KHDRBS2: variants seen among roughly 807,000 people sequenced by gnomAD.
KHDRBS2 encodes the protein KH RNA binding domain containing, signal transduction associated 2, also known as KH domain-containing, RNA-binding, signal transduction-associated protein 2.
KHDRBS2 carries 26 observed loss-of-function variants against 44.3 expected under a neutral mutation model. That is an observed-to-expected ratio of 0.59 (90% CI 0.43 to 0.81). KHDRBS2 has a LOEUF of 0.81. KHDRBS2 is among the 40% of genes least tolerant of loss of function. The pLI, the probability that KHDRBS2 is intolerant of heterozygous loss-of-function variation, is 0.00. For synonymous variants in KHDRBS2, 194 were observed against 151.1 expected, an observed-to-expected ratio of 1.28 and a Z score of -2.08; for missense variants, 476 against 433.1, an observed-to-expected ratio of 1.10 and a Z score of -0.88.
chr6:61,760,548 C>T (rs946948639), intron 6 of KHDRBS2, among the ~76,000 whole-genome samples: 2 of 151,712 alleles, frequency 1.3e-5, no homozygotes, highest in African/African-American at 4.8e-5. Context: ...GGAGGATCAC[C>T]CAAACCTAGG....
At chr6:61,775,382 C>T (rs529696122) in intron 6 of KHDRBS2, among the ~76,000 whole-genome samples, 2 of 152,166 alleles carry the variant, frequency 1.3e-5, no homozygotes, top group African/African-American at 2.4e-5. Context: ...GATTGTACAT[C>T]TAGAAAACCC....
chr6:62,041,469 T>G (rs1328075470), intron 3 of KHDRBS2, among the ~76,000 whole-genome samples: 2 of 152,154 alleles, frequency 1.3e-5, no homozygotes, highest in Non-Finnish European at 2.9e-5. Context: ...AATTTCTATT[T>G]TCATACATTC....
intron 6 of KHDRBS2, chr6:61,816,841 T>A: frequency 2.5e-6 from 1 of 399,870 alleles, no homozygotes; most frequent in Non-Finnish European, 5.0e-6. Context: ...GTGAAAAATA[T>A]TCCTCTTAAA....
At chr6:62,125,963 G>A (rs562423921) in intron 2 of KHDRBS2, among the ~76,000 whole-genome samples, 160 of 152,242 alleles carry the variant, frequency 1.1e-3, no homozygotes, top group Middle Eastern at 3.4e-3. Flanking sequence ...GTAAAGGAGC[G>A]GGAAGAGTAA....
At chr6:61,557,884 C>T in the KHDRBS2 span, among the ~76,000 whole-genome samples, 5 of 152,148 alleles carry the variant, frequency 3.3e-5, no homozygotes, top group Admixed American at 1.3e-4. Flanking sequence ...ACATGTGTCT[C>T]GGAATTTTTC....
chr6:62,283,705 C>T (rs1842102191), intron 1 of KHDRBS2, among the ~76,000 whole-genome samples: 1 of 151,964 alleles, frequency 6.6e-6, no homozygotes, highest in East Asian at 1.9e-4. Flanking sequence ...TGGCAACTGG[C>T]CTTTGGAAAG....
intron 1 of KHDRBS2, among the ~76,000 whole-genome samples, chr6:62,221,526 A>T (rs1830891084): frequency 6.6e-6 from 1 of 152,108 alleles, no homozygotes; most frequent in Admixed American, 6.6e-5. Context: ...CATTCTATTA[A>T]CCATTTTGTT....
the KHDRBS2 span, among the ~76,000 whole-genome samples, chr6:61,594,894 T>G: frequency 6.6e-6 from 1 of 152,066 alleles, no homozygotes; most frequent in Non-Finnish European, 1.5e-5. Flanking sequence ...GGATCACAAA[T>G]CACTGTAAAA....
the KHDRBS2 span, among the ~76,000 whole-genome samples, chr6:61,617,940 C>T: frequency 7.2e-5 from 11 of 152,144 alleles, no homozygotes; most frequent in African/African-American, 2.4e-4. Context: ...CCCTAAATTG[C>T]TATTTTTCCA....
chr6:61,991,439 T>C (rs1482420039), intron 3 of KHDRBS2, among the ~76,000 whole-genome samples: 3 of 152,138 alleles, frequency 2.0e-5, no homozygotes, highest in African/African-American at 7.2e-5. Context: ...GAGACAGGCA[T>C]GCTTTGAGTT....
At chr6:61,632,555 A>C in the KHDRBS2 span, among the ~76,000 whole-genome samples, 2 of 152,204 alleles carry the variant, frequency 1.3e-5, no homozygotes, top group African/African-American at 2.4e-5. Context: ...GTAAAAGTTC[A>C]TATGAAATTT....
At chr6:61,543,813 G>A in the KHDRBS2 span, among the ~76,000 whole-genome samples, 1 of 152,092 alleles carries the variant, frequency 6.6e-6, no homozygotes, top group Non-Finnish European at 1.5e-5. Flanking sequence ...CATGGATGGA[G>A]CTGGAGGTCA....
At chr6:61,908,527 G>T (rs974566778) in intron 4 of KHDRBS2, among the ~76,000 whole-genome samples, 15 of 151,768 alleles carry the variant, frequency 9.9e-5, no homozygotes, top group African/African-American at 3.6e-4. Context: ...CCAGCTACTT[G>T]GGAGGCTGAG....
chr6:61,642,877 C>T, the KHDRBS2 span, among the ~76,000 whole-genome samples: 7 of 152,016 alleles, frequency 4.6e-5, no homozygotes, highest in South Asian at 1.2e-3. Flanking sequence ...CCTACTTGTC[C>T]CAAATAGTTT....
At chr6:62,046,832 C>G (rs890118869) in intron 3 of KHDRBS2, among the ~76,000 whole-genome samples, 6 of 151,706 alleles carry the variant, frequency 4.0e-5, no homozygotes, top group African/African-American at 1.5e-4. Context: ...CAAAAGTTAT[C>G]CCAAAGAAAG....
chr6:61,601,137 A>G, the KHDRBS2 span, among the ~76,000 whole-genome samples: 1 of 152,036 alleles, frequency 6.6e-6, no homozygotes, highest in Non-Finnish European at 1.5e-5. Context: ...GCTCACCCAC[A>G]TTGCAGCCCA....
chr6:62,124,706 G>A (rs1374101941), intron 2 of KHDRBS2, among the ~76,000 whole-genome samples: 2 of 151,768 alleles, frequency 1.3e-5, no homozygotes, highest in African/African-American at 4.8e-5. Context: ...AAATACACAA[G>A]TGCAGGTATC....
chr6:61,613,327 T>A, the KHDRBS2 span, among the ~76,000 whole-genome samples: 10 of 152,212 alleles, frequency 6.6e-5, no homozygotes. Flanking sequence ...GATGCTTAAG[T>A]GAATGAATGT....
At chr6:61,658,780 C>T in the KHDRBS2 span, among the ~76,000 whole-genome samples, 2 of 151,868 alleles carry the variant, frequency 1.3e-5, no homozygotes, top group Non-Finnish European at 2.9e-5. Flanking sequence ...GATTTATATT[C>T]TTGTATTCCC....
Sources: gnomAD v4.1 joint callset for allele counts (sites outside exome capture counted in the v4.1 genomes callset) on GRCh38, gnomAD v4.1.1 for gene constraint, MANE v1.5 for transcripts, NCBI Gene and HGNC (gene_info 2026-07-23, HGNC 2026-07-21) for gene names.